CCM2: variants seen among roughly 807,000 people sequenced by gnomAD.
The protein encoded by CCM2 is cerebral cavernous malformations 2 protein.
A neutral mutation model predicts 44.9 loss-of-function variants in CCM2; 25 were observed. The ratio of observed to expected loss-of-function variants is 0.56; its 90% CI spans 0.41 to 0.78. The LOEUF is 0.78. CCM2 is among the 30% of genes least tolerant of loss of function. The probability of loss-of-function intolerance (pLI) is 0.00; values close to 1 mark genes in which losing one functional copy is unlikely to be tolerated. For missense variants in CCM2, 481 were observed against 580.6 expected (o/e 0.83, Z 1.76); for synonymous variants, 219 against 241.1 (o/e 0.91, Z 0.85).
chr7:45,068,389 G>T, intron 4 of CCM2, 54 bp from the exon 5 acceptor site: 1 of 1,612,260 alleles, frequency 6.2e-7, no homozygotes, highest in Non-Finnish European at 8.5e-7. Flanking sequence ...TTCCTCAAGT[G>T]CCCCCATGCC....
In CCM2 at chr7:45,038,450, C is replaced by T. The variant is rs199865749; in HGVS notation, c.204+24C>T. ...AGGTAAGTCGTCATGGGCCACAGGA[C>T]GTGCCTGCCAAACGACAGTGACGGT... is the stretch of plus-strand genomic sequence containing the variant. On this transcript the variant is annotated intron_variant, in intron 2 of 9. Coordinates refer to ENST00000258781, the MANE Select transcript of CCM2 (RefSeq NM_031443.4). 30 of 1,612,840 alleles carry T rather than the reference C, an allele frequency of 1.9e-5. No homozygotes were observed. In the African/African-American group the frequency reaches 1.9e-4, roughly 10 times the overall value.
intron 6 of CCM2, chr7:45,072,275 G>T: frequency 3.0e-6 from 1 of 336,568 alleles, no homozygotes; most frequent in African/African-American, 2.1e-5. Context: ...GAGTCAGACT[G>T]CCCGGCTCTG....
chr7:45,019,495 T>A (rs1796397188), intron 1 of CCM2, among the ~76,000 whole-genome samples: 1 of 152,162 alleles, frequency 6.6e-6, no homozygotes, highest in Non-Finnish European at 1.5e-5. Flanking sequence ...ATGGATAGTC[T>A]CAAGTGTTTA....
chr7:45,075,493 C>T (rs1784184283), intron 9 of CCM2, among the ~76,000 whole-genome samples: 5 of 152,248 alleles, frequency 3.3e-5, no homozygotes, highest in Admixed American at 3.3e-4. Context: ...GGTTCTTGGC[C>T]TGTGCTGGTG....
At chr7:45,056,519 C>T (rs1265712773) in intron 2 of CCM2, among the ~76,000 whole-genome samples, 1 of 152,120 alleles carries the variant, frequency 6.6e-6, no homozygotes, top group Non-Finnish European at 1.5e-5. Flanking sequence ...AGTAGCCATC[C>T]TAGTGGGTGT....
Position 45,068,552 on chromosome 7 carries a change from C to T in CCM2, c.582C>T (p.Cys194=). The T allele has an allele frequency of 6.2e-7, 1 of 1,614,078 alleles. No homozygotes were observed. Among genetic ancestry groups the T allele is most frequent in the Middle Eastern group, 1.6e-4 (1 of 6,062 alleles). Residue 194 remains cysteine (C), a synonymous_variant, in exon 5 of 10, where the codon TGC becomes TGT. Transcript: ENST00000258781. ...CAGTTGGGCCCGTGGAGGCATGCTG[C>T]CTGGTCATCCTGGCTGCAGAGAGCA... The part of the protein sequence containing the change: ...ESAVGPVEAC[C]LVILAAESKV...
rs182792361 is a variant in CCM2 at position 45,071,480 on chromosome 7, G to A, written c.746-1246G>A. ...ATGTGCACACGTTACGCACATGCATGCATTCTCTGCTTATTTCTGCCTTGG... is the reference window on the plus strand; with the variant it reads ...ATGTGCACACGTTACGCACATGCATACATTCTCTGCTTATTTCTGCCTTGG... On this transcript the variant is annotated intron_variant, in intron 6 of 9. Transcript: ENST00000258781. 9.1e-4 allele frequency: 253 copies of A among 277,362 alleles called. 1 individual carries two copies. Among genetic ancestry groups the A allele is most frequent in the Admixed American group, 4.7e-3 (93 of 19,990 alleles). The allele number at this position is 277,362 out of a possible 1,614,324, so 17.2% of individuals were successfully genotyped here.
intron 1 of CCM2, among the ~76,000 whole-genome samples, chr7:45,019,535 A>C (rs147434923): frequency 2.0e-3 from 301 of 152,298 alleles, no homozygotes; most frequent in Non-Finnish European, 3.5e-3. Context: ...TTAACTTGGC[A>C]GGACTTGGAC....
chr7:45,070,000 A>T, intron 6 of CCM2, 39 bp downstream of exon 6: 1 of 1,610,182 alleles, frequency 6.2e-7, no homozygotes, highest in Non-Finnish European at 8.5e-7. Context: ...GGGAGCAGGG[A>T]CAGGAGGGGC....
At chr7:45,027,045 G>A (rs1172292221) in intron 1 of CCM2, 1 of 156,160 alleles carries the variant, frequency 6.4e-6, no homozygotes, top group Non-Finnish European at 1.4e-5. Flanking sequence ...AGCTTGGCCA[G>A]AGGCACGCTG....
chr7:45,024,146 C>T (rs1317138410), intron 1 of CCM2, among the ~76,000 whole-genome samples: 2 of 152,132 alleles, frequency 1.3e-5, no homozygotes, highest in South Asian at 4.1e-4. Flanking sequence ...TGGGTGTTTT[C>T]CTTACACCTA....
chr7:45,076,253 G>C lies in CCM2; in HGVS notation c.*196G>C, dbSNP rs545530114. ...CGAGGGACACGAGCCTCAGTGCGGG[G>C]TGGAAGGCTCTTTGCCTTGTCCACC... On this transcript the variant is annotated 3_prime_UTR_variant, in exon 10 of 10. Coordinates refer to ENST00000258781, the MANE Select transcript of CCM2 (RefSeq NM_031443.4). 216 of 783,790 alleles carry C rather than the reference G, an allele frequency of 2.8e-4. 3 individuals are homozygous for C. In the African/African-American group the frequency reaches 3.2e-3, roughly 12 times the overall value. The allele number at this position is 783,790 out of a possible 1,614,324, so 48.6% of individuals were successfully genotyped here.
At chr7:45,044,857 CTATAA>C (rs939649361) in intron 2 of CCM2, among the ~76,000 whole-genome samples, 1 of 152,052 alleles carries the variant, frequency 6.6e-6, no homozygotes, top group African/African-American at 2.4e-5. Flanking sequence ...TAAGTATACC[CTATAA>C]TATGATTTTT....
chr7:45,043,967 A>G (rs780957786), intron 2 of CCM2, among the ~76,000 whole-genome samples: 14 of 152,072 alleles, frequency 9.2e-5, no homozygotes, highest in Non-Finnish European at 1.6e-4. Context: ...GAGAATATTT[A>G]TTAGGATTAT....
At chr7:45,015,182 T>TA (rs1309559830) in intron 1 of CCM2, among the ~76,000 whole-genome samples, 1 of 152,220 alleles carries the variant, frequency 6.6e-6, no homozygotes, top group African/African-American at 2.4e-5. Context: ...TATTAAACAT[T>TA]AGAGTTCACA....
rs1798645550 is a variant in CCM2 at position 45,063,981 on chromosome 7, C to A, written c.268C>A (p.His90Asn). ...TCCCTCCAGTAGGACTGAAATCCTGCATTTCATAGACAATGCAAAGGTAAC... is the reference window on the plus strand; with the variant it reads ...TCCCTCCAGTAGGACTGAAATCCTGAATTTCATAGACAATGCAAAGGTAAC... The part of the protein sequence containing the change: ...LNPSSRTEIL[H>N]FIDNAKRAHQ... The change falls in exon 3 of 10, where the codon CAT becomes AAT. Residue 90 changes from histidine to asparagine, a missense_variant. Transcript: ENST00000258781. The A allele has an allele frequency of 6.2e-7, 1 of 1,611,720 alleles. No homozygotes were observed. Among genetic ancestry groups the A allele is most frequent in the Middle Eastern group, 1.7e-4 (1 of 6,060 alleles).
chr7:45,028,788 T>TAA (rs930299508), intron 1 of CCM2, among the ~76,000 whole-genome samples: 1 of 142,176 alleles, frequency 7.0e-6, no homozygotes, highest in Non-Finnish European at 1.5e-5. Flanking sequence ...CCAAAGCACT[T>TAA]AAAAAAAAAA....
At chr7:45,012,824 C>T (rs1348249432) in intron 1 of CCM2, among the ~76,000 whole-genome samples, 1 of 151,984 alleles carries the variant, frequency 6.6e-6, no homozygotes. Flanking sequence ...GGGGTTACGG[C>T]CTTGAGCCAG....
At chr7:45,047,671 T>C (rs1205451318) in intron 2 of CCM2, among the ~76,000 whole-genome samples, 1 of 152,212 alleles carries the variant, frequency 6.6e-6, no homozygotes, top group East Asian at 1.9e-4. Context: ...ACACAGTTGC[T>C]GAGGTGGAGA....
Sources: allele counts gnomAD v4.1 joint callset (sites outside exome capture counted in the v4.1 genomes callset), GRCh38; gene constraint gnomAD v4.1.1; transcripts MANE v1.5; gene names NCBI Gene and HGNC (gene_info 2026-07-23, HGNC 2026-07-21).